The following CCDC40 variants were observed in gnomAD, a reference collection of about 807,000 sequenced individuals.
The protein encoded by CCDC40 is coiled-coil domain-containing protein 40.
In CCDC40, 104 loss-of-function variants were observed where a neutral mutation model predicts 124.5. That is an observed-to-expected ratio of 0.84 (90% confidence interval 0.71 to 0.98). CCDC40 has a LOEUF of 0.98. CCDC40 is among the 50% of genes least tolerant of loss of function. The probability of loss-of-function intolerance (pLI) is 0.00; values close to 1 mark genes in which losing one functional copy is unlikely to be tolerated. For synonymous variants in CCDC40, 580 were observed against 602.9 expected (o/e 0.96, Z 0.56); for missense variants, 1,463 against 1,503.9 (o/e 0.97, Z 0.45).
At chr17:80,097,483 G>T in intron 19 of CCDC40, 80 bp downstream of exon 19, 1 of 1,476,386 alleles carries the variant, frequency 6.8e-7, no homozygotes, top group Non-Finnish European at 9.4e-7. Flanking sequence ...TCCCCTCTGT[G>T]CGAGTCACGG....
intron 10 of CCDC40, chr17:80,067,587 C>G: frequency 1.3e-6 from 2 of 1,536,188 alleles, no homozygotes; most frequent in South Asian, 2.4e-5. Context: ...CGCTGGGATA[C>G]TTCTACGGGG....
In CCDC40 at chr17:80,087,329, C is replaced by A; in HGVS notation, c.2450-278C>A. On this transcript the variant is annotated intron_variant, in intron 14 of 19. Transcript: ENST00000397545. The surrounding 1 kb of genome is among the most constrained non-coding windows in gnomAD (Gnocchi z 4.5). ...GCCTGGCCCTCCCACACGCCCTGCC[C>A]ACACCTGCTGGCTGTCCCCACAGGC... The A allele has an allele frequency of 2.0e-6, 1 of 509,960 alleles. No individual in the cohort carries two copies. Among genetic ancestry groups the A allele is most frequent in the Non-Finnish European group, 3.6e-6 (1 of 280,438 alleles). 31.6% of individuals were successfully genotyped at this position (509,960 alleles called of 1,614,324 possible).
chr17:80,086,150 C>G lies in CCDC40; in HGVS notation c.2383C>G (p.Leu795Val), dbSNP rs765958313. 26 of 1,613,894 alleles carry G rather than the reference C, an allele frequency of 1.6e-5. No homozygotes were observed. In the Admixed American group the frequency reaches 4.0e-4, roughly 25 times the overall value. The change falls in exon 14 of 20, where the codon CTG becomes GTG. Residue 795 changes from leucine (L) to valine (V), a missense_variant. Leu to Val is a conservative substitution (Grantham distance 32). Coordinates refer to ENST00000397545, the MANE Select transcript of CCDC40 (RefSeq NM_017950.4). The surrounding 1 kb of genome is among the most constrained non-coding windows in gnomAD (Gnocchi z 5.5). ...VKVTQEQEEQ[L>V]ASLDASKKEL... Reference sequence around the variant, plus strand: ...GGTGACACAGGAGCAGGAGGAGCAGCTGGCCTCCCTGGACGCATCCAAGAA... The same window carrying G: ...GGTGACACAGGAGCAGGAGGAGCAGGTGGCCTCCCTGGACGCATCCAAGAA...
chr17:80,065,754 C>T (rs2038029780), intron 10 of CCDC40, 148 bp downstream of exon 10: 14 of 1,083,050 alleles, frequency 1.3e-5, no homozygotes, highest in Non-Finnish European at 1.6e-5. Flanking sequence ...GTCCGGAAAG[C>T]TCCCTCATTG....
At chr17:80,067,956 A>C (rs527479815) in intron 10 of CCDC40, 4 of 1,129,604 alleles carry the variant, frequency 3.5e-6, no homozygotes, top group East Asian at 1.1e-4. Context: ...CTTCACAACG[A>C]GTGAGAGAGC....
intron 12 of CCDC40, among the ~76,000 whole-genome samples, chr17:80,084,271 C>A (rs868459965): frequency 6.6e-6 from 1 of 152,132 alleles, no homozygotes; most frequent in Non-Finnish European, 1.5e-5. Context: ...TGGCAAAAGG[C>A]GAAACAGGCA....
At chr17:80,046,938 C>T (rs1432711118) in intron 3 of CCDC40, among the ~76,000 whole-genome samples, 2 of 152,122 alleles carry the variant, frequency 1.3e-5, no homozygotes, top group Non-Finnish European at 2.9e-5. Flanking sequence ...CTCTGCCTCC[C>T]GGGTTCAAGC....
At chr17:80,091,612 T>G (rs1228976166) in intron 17 of CCDC40, among the ~76,000 whole-genome samples, 1 of 142,106 alleles carries the variant, frequency 7.0e-6, no homozygotes, top group East Asian at 2.2e-4. Flanking sequence ...AGAGGGATCT[T>G]TACTCTGTTC....
chr17:80,093,511 T>C (rs935707691), intron 17 of CCDC40, among the ~76,000 whole-genome samples: 11 of 148,576 alleles, frequency 7.4e-5, no homozygotes, highest in Admixed American at 1.3e-4. Context: ...GCTGTTTTCT[T>C]ATTTCTCTTT....
intron 16 of CCDC40, chr17:80,088,336 C>G: frequency 1.8e-6 from 1 of 555,962 alleles, no homozygotes; most frequent in South Asian, 2.0e-5. Context: ...ACTGCAACCT[C>G]TGCCTCCCAG....
chr17:80,078,586 T>C (rs2038368754), intron 10 of CCDC40, among the ~76,000 whole-genome samples: 1 of 152,040 alleles, frequency 6.6e-6, no homozygotes, highest in Non-Finnish European at 1.5e-5. Flanking sequence ...GATCAATGTA[T>C]TGTGTGTGTG....
intron 7 of CCDC40, chr17:80,051,266 C>T: frequency 1.0e-6 from 1 of 969,808 alleles, no homozygotes; most frequent in Non-Finnish European, 1.2e-6. Flanking sequence ...TGGAAAGAAA[C>T]ATTTTAAACC....
At chr17:80,068,873 C>G (rs1568694767) in intron 10 of CCDC40, among the ~76,000 whole-genome samples, 1 of 152,252 alleles carries the variant, frequency 6.6e-6, no homozygotes, top group Non-Finnish European at 1.5e-5. Flanking sequence ...AGATTCTTAT[C>G]TGTGGGGGAG....
intron 1 of CCDC40, among the ~76,000 whole-genome samples, chr17:80,037,690 G>GATTATATATATATATATATATATAT (rs1555889146): frequency 3.3e-5 from 3 of 92,082 alleles, no homozygotes; most frequent in Non-Finnish European, 6.5e-5. Flanking sequence ...TTTTAAAAAA[G>GATTATATATATATATATATATATAT]ATATACATAT....
intron 3 of CCDC40, among the ~76,000 whole-genome samples, chr17:80,047,035 G>A (rs529995635): frequency 2.0e-5 from 3 of 152,078 alleles, no homozygotes; most frequent in Admixed American, 2.0e-4. Context: ...TGGTAGAGAC[G>A]GGGTTTCGCC....
intron 10 of CCDC40, among the ~76,000 whole-genome samples, chr17:80,071,499 A>G (rs114825079): frequency 9.1e-4 from 139 of 152,316 alleles, no homozygotes; most frequent in African/African-American, 3.1e-3. Context: ...ACGGTGCCCA[A>G]TGCCTGGGCC....
At chr17:80,050,810 G>T (rs1018992382) in intron 7 of CCDC40, among the ~76,000 whole-genome samples, 25 of 152,250 alleles carry the variant, frequency 1.6e-4, no homozygotes, top group Non-Finnish European at 1.3e-4. Flanking sequence ...CAGCCAGAGC[G>T]TAGAGATTCA....
intron 7 of CCDC40, among the ~76,000 whole-genome samples, chr17:80,057,703 C>T (rs925269508): frequency 6.6e-6 from 1 of 151,730 alleles, no homozygotes; most frequent in Non-Finnish European, 1.5e-5. Flanking sequence ...GGTGAAACCC[C>T]GTCTCTACTA....
intron 3 of CCDC40, among the ~76,000 whole-genome samples, chr17:80,044,719 ATAT>A (rs2037377337): frequency 3.3e-5 from 1 of 30,076 alleles, no homozygotes; most frequent in African/African-American, 7.4e-5. Context: ...AAAAAAAAAT[ATAT>A]ATATATATAT....
Sources: gnomAD v4.1 joint callset for allele counts (sites outside exome capture counted in the v4.1 genomes callset) on GRCh38, gnomAD v4.1.1 for gene constraint, Gnocchi (gnomAD v3.1) non-coding constraint, MANE v1.5 for transcripts, NCBI Gene and HGNC (gene_info 2026-07-23, HGNC 2026-07-21) for gene names.